Variants in SHISA9 observed in about 807,000 individuals in gnomAD.
SHISA9 encodes the protein shisa family member 9.
SHISA9 carries 13 observed loss-of-function variants against 38.0 expected under a neutral mutation model. That is an observed-to-expected ratio of 0.34 (90% CI 0.22 to 0.54). The LOEUF (loss-of-function observed/expected upper bound fraction) is 0.54, where lower values mean the gene tolerates loss of function less well. Ranked by LOEUF, SHISA9 falls within the 20% of genes least tolerant of loss-of-function variation. SHISA9 has a pLI of 0.91. For missense variants in SHISA9, 538 were observed against 575.8 expected (o/e 0.93, Z 0.67); for synonymous variants, 275 against 242.0 (o/e 1.14, Z -1.27).
intron 1 of SHISA9, chr16:12,909,196 C>T (rs2071147143): frequency 1.0e-6 from 1 of 985,586 alleles, no homozygotes; most frequent in Middle Eastern, 5.2e-4. Context: ...GGCACTGAGT[C>T]CTTGCATTTT....
At chr16:13,096,305 A>G (rs920942983) in intron 2 of SHISA9, among the ~76,000 whole-genome samples, 1 of 152,228 alleles carries the variant, frequency 6.6e-6, no homozygotes, top group Non-Finnish European at 1.5e-5. Flanking sequence ...ACCCTTAGGT[A>G]GCTCATTTAC....
At chr16:13,068,298 A>G (rs1451518773) in intron 2 of SHISA9, among the ~76,000 whole-genome samples, 2 of 152,226 alleles carry the variant, frequency 1.3e-5, no homozygotes, top group Non-Finnish European at 2.9e-5. Context: ...ATGAGCCAAC[A>G]GTAGTCATTC....
chr16:13,377,560 C>T, the SHISA9 span, among the ~76,000 whole-genome samples: 2 of 152,164 alleles, frequency 1.3e-5, no homozygotes, highest in African/African-American at 2.4e-5. Context: ...TGATCCCGAT[C>T]ACCTTTAATA....
At chr16:13,204,022 T>C (rs1034537626) in intron 3 of SHISA9, among the ~76,000 whole-genome samples, 15 of 152,094 alleles carry the variant, frequency 9.9e-5, no homozygotes, top group South Asian at 2.1e-4. Flanking sequence ...TACCTACCTA[T>C]GTATTATCTA....
At chr16:13,071,032 C>A (rs1386642740) in intron 2 of SHISA9, among the ~76,000 whole-genome samples, 1 of 152,092 alleles carries the variant, frequency 6.6e-6, no homozygotes, top group African/African-American at 2.4e-5. Context: ...GCTCTGAAGT[C>A]CTCAGGAACT....
intron 2 of SHISA9, among the ~76,000 whole-genome samples, chr16:13,035,307 A>G (rs2073041604): frequency 6.6e-6 from 1 of 152,138 alleles, no homozygotes; most frequent in Non-Finnish European, 1.5e-5. Flanking sequence ...TGGAGATTAA[A>G]TGACTCACAA....
intron 2 of SHISA9, among the ~76,000 whole-genome samples, chr16:12,992,331 C>A (rs961912637): frequency 2.7e-5 from 4 of 148,408 alleles, no homozygotes; most frequent in African/African-American, 1.0e-4. Flanking sequence ...TTGAGACAAG[C>A]CTGGCCAGCA....
chr16:12,929,881 T>C (rs1168057762), intron 2 of SHISA9, among the ~76,000 whole-genome samples: 1 of 152,206 alleles, frequency 6.6e-6, no homozygotes, highest in Non-Finnish European at 1.5e-5. Context: ...TCCCTCTGCC[T>C]GCAACAAGCT....
chr16:13,422,931 C>G, the SHISA9 span, among the ~76,000 whole-genome samples: 1 of 152,122 alleles, frequency 6.6e-6, no homozygotes. Context: ...ATGAAAGGTT[C>G]CTGTTGTATC....
intron 2 of SHISA9, among the ~76,000 whole-genome samples, chr16:12,965,408 C>T (rs1023862614): frequency 6.6e-6 from 1 of 152,200 alleles, no homozygotes. Context: ...TTCCTCCTTA[C>T]TCCTTTCTCC....
At chr16:13,374,573 C>T in the SHISA9 span, among the ~76,000 whole-genome samples, 1 of 152,140 alleles carries the variant, frequency 6.6e-6, no homozygotes, top group Admixed American at 6.5e-5. Flanking sequence ...CATTGATGGA[C>T]ATTTGGGTTG....
chr16:13,123,269 C>T (rs78628301), intron 2 of SHISA9, among the ~76,000 whole-genome samples: 11,304 of 152,232 alleles, frequency 0.074, 555 homozygotes, highest in East Asian at 0.22. Context: ...TCTTGGGAAG[C>T]GGGGCAGGCA....
At chr16:13,161,311 G>T (rs936565087) in intron 2 of SHISA9, among the ~76,000 whole-genome samples, 1 of 152,026 alleles carries the variant, frequency 6.6e-6, no homozygotes, top group Non-Finnish European at 1.5e-5. Flanking sequence ...CCCCCTGCTT[G>T]GGTCTTTGTG....
chr16:13,000,848 A>G (rs1044428224), intron 2 of SHISA9, among the ~76,000 whole-genome samples: 1 of 152,208 alleles, frequency 6.6e-6, no homozygotes, highest in Admixed American at 6.5e-5. Flanking sequence ...CAATTTCAGA[A>G]ATAAAGCTTT....
chr16:13,417,233 G>A, the SHISA9 span, among the ~76,000 whole-genome samples: 1 of 152,200 alleles, frequency 6.6e-6, no homozygotes, highest in African/African-American at 2.4e-5. Flanking sequence ...AGGGTGGTTG[G>A]CACCCGCAAA....
chr16:13,213,346 G>C, intron 4 of SHISA9, 46 bp downstream of exon 4: 2 of 1,525,522 alleles, frequency 1.3e-6, no homozygotes. Flanking sequence ...TGTTGTCAAA[G>C]TTAGCATTAA....
At chr16:13,354,659 G>A in the SHISA9 span, among the ~76,000 whole-genome samples, 28 of 150,824 alleles carry the variant, frequency 1.9e-4, no homozygotes, top group South Asian at 5.6e-3. Flanking sequence ...GCCGCTGCAC[G>A]CACACATGAG....
At chr16:13,098,988 G>C (rs1421572420) in intron 2 of SHISA9, among the ~76,000 whole-genome samples, 2 of 152,254 alleles carry the variant, frequency 1.3e-5, no homozygotes, top group Non-Finnish European at 2.9e-5. Flanking sequence ...GACATTAAAA[G>C]CTGCTGAATT....
At chr16:13,396,125 G>T in the SHISA9 span, among the ~76,000 whole-genome samples, 6 of 152,158 alleles carry the variant, frequency 3.9e-5, no homozygotes, top group African/African-American at 9.7e-5. Flanking sequence ...TTATGTTGAG[G>T]CCTCAGATAC....
Sources: gnomAD v4.1 joint callset for allele counts (sites outside exome capture counted in the v4.1 genomes callset) on GRCh38, gnomAD v4.1.1 for gene constraint, MANE v1.5 for transcripts, NCBI Gene and HGNC (gene_info 2026-07-23, HGNC 2026-07-21) for gene names.